Variants in CSDE1 observed in about 807,000 individuals in gnomAD.
CSDE1 encodes the protein cold shock domain-containing protein E1.
In CSDE1, 17 loss-of-function variants were observed where a neutral mutation model predicts 89.3. The observed-to-expected ratio is 0.19, with a 90% CI of 0.13 to 0.29. The LOEUF is 0.29. Among genes scored for constraint, CSDE1 ranks in the 10% least tolerant of loss-of-function variants. The pLI is 1.00. For missense variants in CSDE1, 672 were observed against 984.2 expected (o/e 0.68, Z 4.24); for synonymous variants, 322 against 332.8 (o/e 0.97, Z 0.35).
intron 15 of CSDE1, 151 bp from the exon 16 acceptor site, chr1:114,724,153 T>C (rs1002191317): frequency 1.7e-5 from 11 of 636,756 alleles, no homozygotes; most frequent in Admixed American, 9.9e-5. Flanking sequence ...CCAAGTTCTA[T>C]TTTTAGAACA....
intron 10 of CSDE1, 152 bp from the exon 11 acceptor site, chr1:114,730,800 A>C (rs1039058928): frequency 2.2e-6 from 2 of 915,784 alleles, no homozygotes; most frequent in Non-Finnish European, 1.6e-6. Flanking sequence ...ACTTAAGTAC[A>C]AACTCATTGC....
chr1:114,747,479 T>A (rs1661074212), intron 2 of CSDE1, among the ~76,000 whole-genome samples: 1 of 152,274 alleles, frequency 6.6e-6, no homozygotes. Flanking sequence ...TGTAGTAAAC[T>A]AATATTCAGA....
chr1:114,728,742 T>G (rs116376136), intron 12 of CSDE1, among the ~76,000 whole-genome samples: 2,191 of 152,330 alleles, frequency 0.014, 40 homozygotes, highest in African/African-American at 0.05. Context: ...GAGGGCTTTT[T>G]AAACTATTAC....
intron 2 of CSDE1, chr1:114,746,954 A>G (rs1273830823): frequency 6.6e-6 from 1 of 152,166 alleles, no homozygotes; most frequent in African/African-American, 2.4e-5. Flanking sequence ...ACCGCCAAGT[A>G]ATCCTGTTAT....
chr1:114,744,733 C>A (rs576568669), intron 2 of CSDE1, among the ~76,000 whole-genome samples: 2 of 149,846 alleles, frequency 1.3e-5, no homozygotes. Context: ...TCTGATTATA[C>A]AAAAAGCACA....
chr1:114,747,177 A>T (rs1456971630), intron 2 of CSDE1, among the ~76,000 whole-genome samples: 2 of 152,214 alleles, frequency 1.3e-5, no homozygotes, highest in African/African-American at 2.4e-5. Context: ...TATAAGCCTT[A>T]TTCTTTCTTG....
At position 114,729,346 on chromosome 1, in the gene CSDE1, G is replaced by A. The variant is rs372108558; in HGVS notation, c.1356+912C>T. Among the ~76,000 whole-genome samples the A allele has an allele frequency of 5.9e-5, 9 of 151,738 alleles. No individual in the cohort carries two copies. The South Asian group carries it at 6.3e-4, about 11-fold the overall frequency. On this transcript the variant is annotated intron_variant, in intron 12 of 19. Coordinates refer to ENST00000358528, the MANE Select transcript of CSDE1 (RefSeq NM_001007553.3). ...AATCTCCTGACCTCGTGATCCGCCC[G>A]CCTCAGCCTCCCAAAGTGCTGGGTT...
At chr1:114,752,548 T>C (rs1661363503) in intron 1 of CSDE1, among the ~76,000 whole-genome samples, 1 of 152,186 alleles carries the variant, frequency 6.6e-6, no homozygotes, top group Non-Finnish European at 1.5e-5. Flanking sequence ...CTATTCTACC[T>C]TCCATCCTTA....
intron 5 of CSDE1, among the ~76,000 whole-genome samples, 187 bp from the exon 6 acceptor site, chr1:114,737,042 C>G (rs1342843482): frequency 1.3e-5 from 2 of 152,042 alleles, no homozygotes; most frequent in Non-Finnish European, 2.9e-5. Context: ...ATGACTTCTG[C>G]GAGTCCACAG....
chr1:114,725,712 T>C (rs1007144572), intron 14 of CSDE1, among the ~76,000 whole-genome samples: 1 of 152,176 alleles, frequency 6.6e-6, no homozygotes, highest in African/African-American at 2.4e-5. Context: ...CTCAGCTTAC[T>C]GCAACCTCTG....
chr1:114,744,589 CAACAAAAACAAACA>C (rs1444708964), intron 2 of CSDE1, among the ~76,000 whole-genome samples: 4 of 151,872 alleles, frequency 2.6e-5, no homozygotes, highest in East Asian at 3.9e-4. Flanking sequence ...AAAAACAAAA[CAACAAAAACAAACA>C]AACAAAAACC....
intron 16 of CSDE1, among the ~76,000 whole-genome samples, chr1:114,723,439 C>G (rs1659632049): frequency 6.6e-6 from 1 of 152,038 alleles, no homozygotes; most frequent in African/African-American, 2.4e-5. Flanking sequence ...CCTCATAGAA[C>G]TCTAGCTATT....
chr1:114,725,127 G>T, intron 15 of CSDE1, 94 bp downstream of exon 15: 1 of 923,366 alleles, frequency 1.1e-6, no homozygotes, highest in Non-Finnish European at 1.8e-6. Context: ...GAGAATGACT[G>T]ATGTAGAATA....
chr1:114,722,293 A>G (rs780506524), intron 16 of CSDE1, among the ~76,000 whole-genome samples: 1 of 152,238 alleles, frequency 6.6e-6, no homozygotes, highest in African/African-American at 2.4e-5. Context: ...ACCTCATGCA[A>G]TATCAATAAT....
intron 15 of CSDE1, chr1:114,724,356 C>T (rs1659687494): frequency 4.7e-6 from 1 of 212,154 alleles, no homozygotes; most frequent in African/African-American, 2.4e-5. Context: ...AATCACAATA[C>T]TTACATACTG....
At chr1:114,728,716 A>G (rs1038376680) in intron 12 of CSDE1, among the ~76,000 whole-genome samples, 2 of 152,198 alleles carry the variant, frequency 1.3e-5, no homozygotes, top group African/African-American at 4.8e-5. Context: ...AATTCCTATT[A>G]TGAGCTAGGT....
chr1:114,719,480 C>A, intron 18 of CSDE1, 99 bp downstream of exon 18: 1 of 1,155,232 alleles, frequency 8.7e-7, no homozygotes, highest in South Asian at 1.7e-5. Context: ...TAATAAGTGG[C>A]AGAAGACAAG....
intron 14 of CSDE1, 104 bp downstream of exon 14, chr1:114,726,106 TC>T: frequency 8.8e-7 from 1 of 1,140,886 alleles, no homozygotes; most frequent in Non-Finnish European, 1.2e-6. Context: ...CAATATGAAA[TC>T]TGAACCTCAA....
At chr1:114,720,479 A>T (rs938627953) in intron 17 of CSDE1, 60 bp downstream of exon 17, 19 of 1,390,432 alleles carry the variant, frequency 1.4e-5, no homozygotes, top group Non-Finnish European at 1.7e-5. Flanking sequence ...AAATATTTGA[A>T]GGTTTTGGTT....
Sources: allele counts gnomAD v4.1 joint callset (sites outside exome capture counted in the v4.1 genomes callset), GRCh38; gene constraint gnomAD v4.1.1; transcripts MANE v1.5; gene names NCBI Gene and HGNC (gene_info 2026-07-23, HGNC 2026-07-21).